B4GALT6: variants seen among roughly 807,000 people sequenced by gnomAD.
B4GALT6 encodes beta-1,4-galactosyltransferase 6, also known as UDP-Gal:beta-GlcNAc beta-1,4-galactosyltransferase 6.
In B4GALT6, 14 loss-of-function variants were observed where a neutral mutation model predicts 46.3. That is an observed-to-expected ratio of 0.30 (90% CI 0.20 to 0.47). B4GALT6 has a LOEUF of 0.47. Ranked by LOEUF, B4GALT6 falls within the 20% of genes least tolerant of loss-of-function variation. The pLI is 0.99. For synonymous variants in B4GALT6, 168 were observed against 162.0 expected (o/e 1.04, Z -0.28); for missense variants, 386 against 480.1 (o/e 0.80, Z 1.83).
intron 6 of B4GALT6, among the ~76,000 whole-genome samples, chr18:31,630,642 C>G (rs2073775397): frequency 1.3e-5 from 2 of 152,154 alleles, no homozygotes; most frequent in Non-Finnish European, 2.9e-5. Flanking sequence ...AATACACCTT[C>G]AGAGATGCAA....
At chr18:31,655,076 C>A (rs986716606) in intron 3 of B4GALT6, among the ~76,000 whole-genome samples, 1 of 152,166 alleles carries the variant, frequency 6.6e-6, no homozygotes, top group Non-Finnish European at 1.5e-5. Context: ...TCTATCCTTA[C>A]CACACTCTGC....
the B4GALT6 span, among the ~76,000 whole-genome samples, chr18:31,717,673 G>A: frequency 6.6e-6 from 1 of 152,076 alleles, no homozygotes; most frequent in Non-Finnish European, 1.5e-5. Context: ...ATATGATATT[G>A]GCGGGATGTG....
rs930904866 is a variant in B4GALT6 at position 31,654,108 on chromosome 18, G to T, written c.346+3868C>A. On this transcript the variant is annotated intron_variant, in intron 3 of 8. Transcript: ENST00000306851. ...GGTTAGCAACTATAGAAACTATCAG[G>T]GTTAAACCATAAAGGGAACTATTCC... is the stretch of plus-strand genomic sequence containing the variant. Among the ~76,000 whole-genome samples the T allele has an allele frequency of 2.6e-5, 4 of 152,136 alleles. No individual in the cohort carries two copies. The East Asian group carries it at 5.8e-4, about 22-fold the overall frequency.
the B4GALT6 span, among the ~76,000 whole-genome samples, chr18:31,704,629 T>G: frequency 6.6e-6 from 1 of 152,210 alleles, no homozygotes; most frequent in Non-Finnish European, 1.5e-5. Context: ...AGAGTAATGA[T>G]GGGTTGCATT....
chr18:31,688,061 C>A (rs185280769), upstream of B4GALT6, among the ~76,000 whole-genome samples: 657 of 152,052 alleles, frequency 4.3e-3, 1 homozygote, highest in Middle Eastern at 0.017. Flanking sequence ...GTTACAATCA[C>A]TGATTAAAAA....
intron 8 of B4GALT6, 29 bp downstream of exon 8, chr18:31,626,254 T>A: frequency 7.7e-7 from 1 of 1,301,644 alleles, no homozygotes; most frequent in Non-Finnish European, 1.1e-6. Flanking sequence ...TTTGGAAACC[T>A]TGGTATCTGA....
At chr18:31,672,343 G>A (rs1314279071) in intron 1 of B4GALT6, among the ~76,000 whole-genome samples, 2 of 152,150 alleles carry the variant, frequency 1.3e-5, no homozygotes, top group African/African-American at 4.8e-5. Flanking sequence ...AGCTACAAGA[G>A]GGCTAGAAAT....
At chr18:31,629,602 C>G (rs1175494343) in intron 6 of B4GALT6, among the ~76,000 whole-genome samples, 1 of 150,684 alleles carries the variant, frequency 6.6e-6, no homozygotes, top group Non-Finnish European at 1.5e-5. Context: ...GTAATCCCAG[C>G]ACTTTGGGAG....
chr18:31,658,388 G>A (rs113088142), intron 2 of B4GALT6: 6 of 243,320 alleles, frequency 2.5e-5, no homozygotes, highest in African/African-American at 8.8e-5. Flanking sequence ...GGCTGAGCCC[G>A]ATCTACAGGG....
chr18:31,712,820 C>T, the B4GALT6 span, among the ~76,000 whole-genome samples: 5 of 152,048 alleles, frequency 3.3e-5, no homozygotes, highest in African/African-American at 1.2e-4. Context: ...TTAAGAATGC[C>T]GCTAAGCAGC....
At chr18:31,688,094 G>GAGTCT (rs2029988318), upstream of B4GALT6, among the ~76,000 whole-genome samples, 1 of 151,910 alleles carries the variant, frequency 6.6e-6, no homozygotes, top group Non-Finnish European at 1.5e-5. Context: ...CTGTTTAAAT[G>GAGTCT]CATAGTCTCA....
intron 8 of B4GALT6, 76 bp downstream of exon 8, chr18:31,626,207 C>T (rs2073694393): frequency 1.3e-6 from 1 of 797,390 alleles, no homozygotes; most frequent in Non-Finnish European, 1.9e-6. Context: ...TTTTGGGGTT[C>T]AATGCATTTT....
chr18:31,630,385 A>C (rs538859982), intron 6 of B4GALT6, among the ~76,000 whole-genome samples: 1 of 151,092 alleles, frequency 6.6e-6, no homozygotes, highest in East Asian at 1.9e-4. Flanking sequence ...TTCATTTTAA[A>C]TTATCTCCAA....
chr18:31,647,085 G>T (rs912944942), intron 3 of B4GALT6, among the ~76,000 whole-genome samples: 1 of 152,154 alleles, frequency 6.6e-6, no homozygotes, highest in Non-Finnish European at 1.5e-5. Context: ...TGACTCAGCT[G>T]ACAAAGAACA....
intron 1 of B4GALT6, among the ~76,000 whole-genome samples, chr18:31,670,111 T>C (rs773845093): frequency 1.8e-4 from 28 of 151,950 alleles, no homozygotes; most frequent in Admixed American, 3.3e-4. Context: ...TGGAGTGCGG[T>C]AGCTCCACCT....
At chr18:31,704,111 T>C in the B4GALT6 span, among the ~76,000 whole-genome samples, 1 of 151,832 alleles carries the variant, frequency 6.6e-6, no homozygotes, top group South Asian at 2.1e-4. Context: ...GTACATATAA[T>C]AATAATAATA....
chr18:31,689,215 C>T (rs71361339), upstream of B4GALT6, among the ~76,000 whole-genome samples: 20,879 of 152,090 alleles, frequency 0.14, 1,457 homozygotes, highest in Middle Eastern at 0.17. Flanking sequence ...TTACAGGGAA[C>T]CTGAGCTGCC....
chr18:31,651,040 A>C (rs2074059838), intron 3 of B4GALT6, among the ~76,000 whole-genome samples: 1 of 152,136 alleles, frequency 6.6e-6, no homozygotes, highest in South Asian at 2.1e-4. Flanking sequence ...TGCTGGGATT[A>C]CAGGCGTGAG....
chr18:31,694,457 A>T, the B4GALT6 span, among the ~76,000 whole-genome samples: 1 of 151,974 alleles, frequency 6.6e-6, no homozygotes, highest in African/African-American at 2.4e-5. Context: ...AAACACACCA[A>T]CCTCTTCAGG....
Sources: gnomAD v4.1 joint callset for allele counts (sites outside exome capture counted in the v4.1 genomes callset) on GRCh38, gnomAD v4.1.1 for gene constraint, MANE v1.5 for transcripts, NCBI Gene and HGNC (gene_info 2026-07-23, HGNC 2026-07-21) for gene names.